ERC2: variants seen among roughly 807,000 people sequenced by gnomAD.
ERC2 encodes ELKS/RAB6-interacting/CAST family member 2.
ERC2 carries 42 observed loss-of-function variants against 114.8 expected under a neutral mutation model. That is an observed-to-expected ratio of 0.37 (90% confidence interval 0.29 to 0.47). The LOEUF (loss-of-function observed/expected upper bound fraction) is 0.47, where lower values mean the gene tolerates loss of function less well. ERC2 is among the 20% of genes least tolerant of loss of function. The pLI is 0.99. For synonymous variants in ERC2, 454 were observed against 425.5 expected (o/e 1.07, Z -0.82); for missense variants, 939 against 1,150.7 (o/e 0.82, Z 2.66).
chr3:56,380,918 T>C (rs2059724806), intron 2 of ERC2, among the ~76,000 whole-genome samples: 1 of 152,160 alleles, frequency 6.6e-6, no homozygotes. Context: ...CTAGGCCAAT[T>C]TACACCTACA....
intron 3 of ERC2, among the ~76,000 whole-genome samples, chr3:56,226,702 T>C (rs1416805278): frequency 6.6e-6 from 1 of 152,152 alleles, no homozygotes; most frequent in Non-Finnish European, 1.5e-5. Context: ...TCTCAACTGG[T>C]GGCCAGGGAG....
In ERC2 at chr3:55,748,839, G is replaced by A. The variant is rs541640192; in HGVS notation, c.2565-13921C>T. ...TCATAGCTACTAGGCCGAATAATACGAAGTTCAAGTTCACTTTTTTATGGG... is the reference window on the plus strand; with the variant it reads ...TCATAGCTACTAGGCCGAATAATACAAAGTTCAAGTTCACTTTTTTATGGG... On this transcript the variant is annotated intron_variant, in intron 14 of 17. Transcript: ENST00000288221. 7.9e-5 allele frequency among the ~76,000 whole-genome samples: 12 copies of A among 152,212 alleles called. No individual in the cohort carries two copies. In the South Asian group the frequency reaches 2.3e-3, roughly 29 times the overall value.
intron 11 of ERC2, among the ~76,000 whole-genome samples, chr3:55,988,122 A>G (rs999446287): frequency 4.6e-5 from 7 of 152,208 alleles, no homozygotes; most frequent in African/African-American, 1.7e-4. Flanking sequence ...CTGAAACTCT[A>G]AATAAAACTC....
At chr3:55,847,695 GAAAA>G in intron 14 of ERC2, among the ~76,000 whole-genome samples, 1 of 152,240 alleles carries the variant, frequency 6.6e-6, no homozygotes, top group Non-Finnish European at 1.5e-5. Context: ...AAAGGAAAGA[GAAAA>G]AGAAAGGAAG....
chr3:55,618,912 G>A (rs1056973091), intron 17 of ERC2, among the ~76,000 whole-genome samples: 14 of 152,186 alleles, frequency 9.2e-5, no homozygotes, highest in Admixed American at 1.3e-4. Flanking sequence ...TTCTCGAGGA[G>A]GCAGGAGTAG....
chr3:56,270,428 C>A (rs771908430), intron 3 of ERC2, among the ~76,000 whole-genome samples: 1 of 151,978 alleles, frequency 6.6e-6, no homozygotes, highest in Non-Finnish European at 1.5e-5. Context: ...TTTTAAATTC[C>A]GGTAATGGAG....
At chr3:55,582,702 A>G (rs2057322513) in intron 17 of ERC2, among the ~76,000 whole-genome samples, 1 of 152,220 alleles carries the variant, frequency 6.6e-6, no homozygotes, top group Admixed American at 6.5e-5. Context: ...TGCCTAAAGG[A>G]GTAAACTCTG....
At chr3:55,624,224 T>C (rs1236882338) in intron 17 of ERC2, among the ~76,000 whole-genome samples, 1 of 152,162 alleles carries the variant, frequency 6.6e-6, no homozygotes, top group African/African-American at 2.4e-5. Context: ...TGAACACTAT[T>C]TTTAGAAGAG....
chr3:56,392,716 G>T (rs925742777), intron 2 of ERC2, among the ~76,000 whole-genome samples: 5 of 152,186 alleles, frequency 3.3e-5, no homozygotes, highest in Non-Finnish European at 5.9e-5. Context: ...CTCGAGACAT[G>T]ACTTTTATAC....
chr3:56,433,765 G>T (rs1289111277), intron 2 of ERC2: 1 of 156,058 alleles, frequency 6.4e-6, no homozygotes, highest in East Asian at 1.9e-4. Flanking sequence ...GTTAATTAAT[G>T]CTGAATGGAT....
chr3:56,002,372 A>G (rs923840082), intron 10 of ERC2, among the ~76,000 whole-genome samples: 2 of 152,168 alleles, frequency 1.3e-5, no homozygotes, highest in Non-Finnish European at 2.9e-5. Context: ...TTTCCCAGTA[A>G]GCCACTTAAG....
At chr3:56,125,210 T>C (rs1189825431) in intron 6 of ERC2, among the ~76,000 whole-genome samples, 3 of 150,698 alleles carry the variant, frequency 2.0e-5, no homozygotes, top group Admixed American at 2.0e-4. Flanking sequence ...ATCTTCTCTC[T>C]TTCTAAAATA....
At chr3:55,677,712 C>T (rs1041470632) in intron 17 of ERC2, among the ~76,000 whole-genome samples, 3 of 152,164 alleles carry the variant, frequency 2.0e-5, no homozygotes, top group Non-Finnish European at 4.4e-5. Context: ...AGATGAGGGT[C>T]TTCTTCACTT....
At chr3:56,216,973 G>T (rs1466407436) in intron 3 of ERC2, among the ~76,000 whole-genome samples, 1 of 152,168 alleles carries the variant, frequency 6.6e-6, no homozygotes, top group Admixed American at 6.5e-5. Flanking sequence ...AATAAATTAG[G>T]TATTGATGGG....
intron 14 of ERC2, among the ~76,000 whole-genome samples, chr3:55,778,715 T>C (rs1468043248): frequency 2.0e-5 from 3 of 152,202 alleles, no homozygotes; most frequent in African/African-American, 7.2e-5. Context: ...AGGGTATGTA[T>C]CATTAGCCCA....
At chr3:56,270,886 G>T (rs2150293670) in intron 3 of ERC2, among the ~76,000 whole-genome samples, 1 of 152,304 alleles carries the variant, frequency 6.6e-6, no homozygotes, top group South Asian at 2.1e-4. Flanking sequence ...GGAGGCTGAG[G>T]CAGAAGAATG....
At chr3:56,042,013 C>A (rs1026315868) in intron 7 of ERC2, among the ~76,000 whole-genome samples, 1 of 152,050 alleles carries the variant, frequency 6.6e-6, no homozygotes, top group Non-Finnish European at 1.5e-5. Context: ...TTAAGGTGAC[C>A]CAGCAAATTA....
intron 13 of ERC2, among the ~76,000 whole-genome samples, chr3:55,929,057 G>C (rs1453094742): frequency 6.6e-6 from 1 of 152,056 alleles, no homozygotes; most frequent in East Asian, 1.9e-4. Context: ...CTTTGGTGGG[G>C]AGTACTCCCC....
intron 2 of ERC2, among the ~76,000 whole-genome samples, chr3:56,360,184 G>A (rs1479987703): frequency 6.6e-6 from 1 of 150,414 alleles, no homozygotes; most frequent in Non-Finnish European, 1.5e-5. Context: ...TGAGTAGCTG[G>A]GACTACAGGC....
Sources: gnomAD v4.1 joint callset for allele counts (sites outside exome capture counted in the v4.1 genomes callset) on GRCh38, gnomAD v4.1.1 for gene constraint, MANE v1.5 for transcripts, NCBI Gene and HGNC (gene_info 2026-07-23, HGNC 2026-07-21) for gene names.